TRAPPC9: variants seen among roughly 807,000 people sequenced by gnomAD.
TRAPPC9 encodes IKK2 binding protein.
A neutral mutation model predicts 124.0 loss-of-function variants in TRAPPC9; 83 were observed. The ratio of observed to expected loss-of-function variants is 0.67; its 90% CI spans 0.56 to 0.80. The LOEUF (loss-of-function observed/expected upper bound fraction) is 0.80. TRAPPC9 is among the 30% of genes least tolerant of loss of function. The pLI, the probability that TRAPPC9 is intolerant of heterozygous loss-of-function variation, is 0.00. For missense variants in TRAPPC9, 1,302 were observed against 1,508.3 expected, an observed-to-expected ratio of 0.86 and a Z score of 2.27; for synonymous variants, 638 against 617.5, an observed-to-expected ratio of 1.03 and a Z score of -0.49.
intron 17 of TRAPPC9, among the ~76,000 whole-genome samples, chr8:140,059,972 T>A (rs116967625): frequency 6.6e-6 from 1 of 152,226 alleles, no homozygotes; most frequent in East Asian, 1.9e-4. Flanking sequence ...TTTCTGAGTC[T>A]GCTTCCAGTG....
intron 5 of TRAPPC9, among the ~76,000 whole-genome samples, chr8:140,422,010 G>C (rs2070232614): frequency 1.8e-5 from 2 of 113,462 alleles, no homozygotes; most frequent in South Asian, 5.8e-4. Context: ...AAAAAAAAAC[G>C]GGCAAGAAAT....
rs1461204614 is a variant in TRAPPC9, at chr8:139,728,300, A to T, written c.*2761T>A. On this transcript the variant is annotated 3_prime_UTR_variant, in exon 23 of 23. Coordinates refer to ENST00000438773, the MANE Select transcript of TRAPPC9 (RefSeq NM_001160372.4). ...CTGTCCTGGCCCTGAGGGACCAAGG[A>T]TCAGAAGGGCAGAACCAACTCGCTC... Among the ~76,000 whole-genome samples, 3 of 152,124 alleles carry T rather than the reference A, an allele frequency of 2.0e-5. No homozygotes were observed. Among genetic ancestry groups the T allele is most frequent in the Non-Finnish European group, 2.9e-5 (2 of 68,022 alleles).
intron 9 of TRAPPC9, among the ~76,000 whole-genome samples, chr8:140,321,327 C>A (rs2066590107): frequency 2.0e-5 from 3 of 152,196 alleles, no homozygotes; most frequent in Non-Finnish European, 4.4e-5. Flanking sequence ...AGCATGAGCT[C>A]CCCCTCGCTT....
chr8:139,801,536 G>A (rs1033063175), intron 21 of TRAPPC9, among the ~76,000 whole-genome samples: 4 of 152,196 alleles, frequency 2.6e-5, no homozygotes, highest in Non-Finnish European at 5.9e-5. Flanking sequence ...TGTGTCCACT[G>A]TTATGTGAGT....
chr8:139,851,443 C>T (rs1298885404), intron 21 of TRAPPC9, among the ~76,000 whole-genome samples: 1 of 152,158 alleles, frequency 6.6e-6, no homozygotes, highest in Non-Finnish European at 1.5e-5. Flanking sequence ...CGAGTGACAA[C>T]AGGATGGTGG....
chr8:139,794,532 C>T (rs147024474), intron 21 of TRAPPC9, among the ~76,000 whole-genome samples: 4 of 152,286 alleles, frequency 2.6e-5, no homozygotes, highest in East Asian at 1.9e-4. Context: ...CTGGCATTTC[C>T]ACAACAGACG....
intron 18 of TRAPPC9, among the ~76,000 whole-genome samples, chr8:140,000,187 A>G (rs2131788763): frequency 6.6e-6 from 1 of 152,334 alleles, no homozygotes; most frequent in Non-Finnish European, 1.5e-5. Context: ...ATATATAGAA[A>G]GCTGAAACTG....
At chr8:140,012,685 C>T (rs891215992) in intron 18 of TRAPPC9, among the ~76,000 whole-genome samples, 1 of 152,206 alleles carries the variant, frequency 6.6e-6, no homozygotes, top group African/African-American at 2.4e-5. Context: ...GGTCCTGATG[C>T]AGCCACGAAC....
chr8:139,936,083 C>G (rs554256961), intron 19 of TRAPPC9, among the ~76,000 whole-genome samples: 1 of 152,368 alleles, frequency 6.6e-6, no homozygotes, highest in South Asian at 2.1e-4. Flanking sequence ...TCCACCTCAC[C>G]TGCTCCACGC....
chr8:140,394,056 T>G (rs905806179), intron 7 of TRAPPC9, among the ~76,000 whole-genome samples: 1 of 152,246 alleles, frequency 6.6e-6, no homozygotes, highest in Non-Finnish European at 1.5e-5. Context: ...AAGGACAGGC[T>G]GCTCCAAAGA....
At chr8:139,899,216 T>C (rs1830866110) in intron 20 of TRAPPC9, among the ~76,000 whole-genome samples, 1 of 151,336 alleles carries the variant, frequency 6.6e-6, no homozygotes, top group South Asian at 2.1e-4. Context: ...CAGGGGTGTC[T>C]ACCGCCTACA....
rs952886991 is a variant in TRAPPC9 at position 139,770,905 on chromosome 8, G to A, written c.3056-38703C>T. On this transcript the variant is annotated intron_variant, in intron 21 of 22. Transcript: ENST00000438773. ...CTGGCCCTGCCCGGGCCTGGCGGGC[G>A]TAGGGAAGAGTCACCACGCCTCTCC... Among the ~76,000 whole-genome samples, 10 of 152,240 alleles carry A rather than the reference G, an allele frequency of 6.6e-5. No homozygotes were observed. In the East Asian group the frequency reaches 9.7e-4, roughly 15 times the overall value.
At chr8:139,885,055 A>C (rs561918397) in intron 21 of TRAPPC9, among the ~76,000 whole-genome samples, 2 of 152,364 alleles carry the variant, frequency 1.3e-5, no homozygotes, top group African/African-American at 4.8e-5. Context: ...TCCTGGATCA[A>C]AGAGGAGCTA....
chr8:140,261,540 T>G (rs895527879), intron 15 of TRAPPC9, among the ~76,000 whole-genome samples: 5 of 152,180 alleles, frequency 3.3e-5, no homozygotes, highest in Non-Finnish European at 5.9e-5. Context: ...GGGTAGCATA[T>G]AACTGAAATA....
intron 4 of TRAPPC9, among the ~76,000 whole-genome samples, chr8:140,432,689 G>A (rs925073872): frequency 6.6e-6 from 1 of 151,842 alleles, no homozygotes; most frequent in Non-Finnish European, 1.5e-5. Flanking sequence ...TGGCTAACAC[G>A]GTGAAATCCT....
intron 19 of TRAPPC9, among the ~76,000 whole-genome samples, chr8:139,947,907 T>TAGAGAGAGAGAGAGAG (rs59810983): frequency 2.3e-4 from 14 of 60,338 alleles, no homozygotes; most frequent in African/African-American, 6.9e-4. Context: ...TATATATATA[T>TAGAGAGAGAGAGAGAG]AGAGAGAGAG....
chr8:140,102,656 T>A (rs530516988), intron 17 of TRAPPC9, among the ~76,000 whole-genome samples: 1 of 152,272 alleles, frequency 6.6e-6, no homozygotes, highest in African/African-American at 2.4e-5. Context: ...ATCTTCTGAT[T>A]AGAGTAGGTT....
At chr8:140,059,765 T>A (rs1348407313) in intron 17 of TRAPPC9, among the ~76,000 whole-genome samples, 4 of 152,246 alleles carry the variant, frequency 2.6e-5, no homozygotes, top group African/African-American at 9.6e-5. Context: ...CTAATTGTGT[T>A]GTTTTCATGT....
chr8:139,860,640 C>G (rs529994786), intron 21 of TRAPPC9, among the ~76,000 whole-genome samples: 2 of 152,246 alleles, frequency 1.3e-5, no homozygotes, highest in African/African-American at 4.8e-5. Flanking sequence ...AGCACTTCCC[C>G]CCAGCTCATC....
Sources: gnomAD v4.1 joint callset for allele counts (sites outside exome capture counted in the v4.1 genomes callset) on GRCh38, gnomAD v4.1.1 for gene constraint, MANE v1.5 for transcripts, NCBI Gene and HGNC (gene_info 2026-07-23, HGNC 2026-07-21) for gene names.